The following CEP44 variants were observed in gnomAD, a reference collection of about 807,000 sequenced individuals.
CEP44 encodes centrosomal protein of 44 kDa.
Under a neutral mutation model 46.7 loss-of-function variants are expected in CEP44, and 45 were observed. The observed-to-expected ratio is 0.96, with a 90% CI of 0.76 to 1.24. The LOEUF is 1.24. CEP44 is among the 50% of genes most tolerant of loss of function. CEP44 has a pLI of 0.00. For missense variants in CEP44, 475 were observed against 459.7 expected, an observed-to-expected ratio of 1.03 and a Z score of -0.30; for synonymous variants, 142 against 146.0, an observed-to-expected ratio of 0.97 and a Z score of 0.20.
chr4:174,319,092 G>T lies in CEP44; in HGVS notation c.*1709G>T. On this transcript the variant is annotated 3_prime_UTR_variant, in exon 12 of 12. Coordinates refer to ENST00000503780, the MANE Select transcript of CEP44 (RefSeq NM_001040157.3). Reference sequence around the variant, plus strand: ...CCAAAGTGCTAGATTCCATGGGTGAGTCACCATGCTTGGCCACATTTTTAG... The same window carrying T: ...CCAAAGTGCTAGATTCCATGGGTGATTCACCATGCTTGGCCACATTTTTAG... 1 of 976,262 alleles carries T rather than the reference G, an allele frequency of 1.0e-6. No individual in the cohort carries two copies. The highest frequency in any genetic ancestry group is 4.7e-5 in the South Asian group (1 of 21,082). 60.5% of individuals were successfully genotyped at this position (976,262 alleles called of 1,614,324 possible).
rs1737741873 is a variant in CEP44 at position 174,287,876 on chromosome 4, A to C, written c.-148+3933A>C. 6.6e-6 allele frequency among the ~76,000 whole-genome samples: 1 copy of C among 152,260 alleles called. No homozygotes were observed. Among genetic ancestry groups the C allele is most frequent in the South Asian group, 2.1e-4 (1 of 4,832 alleles). On this transcript the variant is annotated intron_variant, in intron 1 of 11. Transcript: ENST00000503780. The surrounding 1 kb of genome is among the most constrained non-coding windows in gnomAD (Gnocchi z 5.1). ...CTAGTAATACCAGGTATAGACAAGA[A>C]TGTAGTATTTAAAGCTAATATCTGA...
chr4:174,308,895 T>G (rs1293748483), intron 7 of CEP44, 36 bp downstream of exon 7: 4 of 1,567,682 alleles, frequency 2.6e-6, no homozygotes, highest in Admixed American at 3.5e-5. Context: ...GATGCCAGTA[T>G]TTTTTACTTA....
At chr4:174,316,674 C>A in intron 11 of CEP44, 107 bp downstream of exon 11, 2 of 1,024,092 alleles carry the variant, frequency 2.0e-6, no homozygotes, top group Non-Finnish European at 1.4e-6. Flanking sequence ...AAAGGTCTCT[C>A]AATCAGGTGT....
At position 174,318,063 on chromosome 4, in the gene CEP44, A is replaced by G. The variant is rs549086980; in HGVS notation, c.*680A>G. 550 of 985,290 alleles carry G rather than the reference A, an allele frequency of 5.6e-4. No homozygotes were observed. The highest frequency in any genetic ancestry group is 6.2e-4 in the Non-Finnish European group (518 of 829,952). 61.0% of individuals were successfully genotyped at this position (985,290 alleles called of 1,614,324 possible). A position where few individuals can be genotyped will look rare whatever the true frequency, so the allele number is the denominator to read the frequency against. On this transcript the variant is annotated 3_prime_UTR_variant, in exon 12 of 12. Transcript: ENST00000503780. ...TGAACATTTTAGTATGCTCTATTGT[A>G]TAATTTTTTTGGAGGGGGGGATGGA...
At position 174,309,520 on chromosome 4, in the gene CEP44, C is replaced by T. The variant is rs1363977257; in HGVS notation, c.679-330C>T. Reference sequence around the variant, plus strand: ...CATTTCCTCTTAGCTTTGTGCTAAGCGTTGTTTCAAGAAGCTAGTTAATAA... The same window carrying T: ...CATTTCCTCTTAGCTTTGTGCTAAGTGTTGTTTCAAGAAGCTAGTTAATAA... On this transcript the variant is annotated intron_variant, in intron 7 of 11. Coordinates refer to ENST00000503780, the MANE Select transcript of CEP44 (RefSeq NM_001040157.3). The surrounding 1 kb of genome is among the most constrained non-coding windows in gnomAD (Gnocchi z 5.3). Among the ~76,000 whole-genome samples the T allele has an allele frequency of 2.0e-5, 3 of 151,950 alleles. No individual in the cohort carries two copies. The highest frequency in any genetic ancestry group is 2.0e-4 in the Admixed American group (3 of 15,228).
At chr4:174,316,067 T>A (rs1454346086) in intron 9 of CEP44, 99 bp from the exon 10 acceptor site, 33 of 1,421,216 alleles carry the variant, frequency 2.3e-5, no homozygotes, top group Non-Finnish European at 3.2e-5. Flanking sequence ...CCATTTTTAA[T>A]TAAAATAGTA....
In CEP44 at chr4:174,320,217, G is replaced by T. The variant is rs1742188991; in HGVS notation, c.*2834G>T. On this transcript the variant is annotated 3_prime_UTR_variant, in exon 12 of 12. Coordinates refer to ENST00000503780, the MANE Select transcript of CEP44 (RefSeq NM_001040157.3). The stretch of plus-strand genomic sequence containing the variant: ...CAACTGTATGAAAATTCTAGGTAAA[G>T]CTAAGTACTATTGAGTTGGAAAAAA... 1.0e-6 allele frequency: 1 copy of T among 984,974 alleles called. No individual in the cohort carries two copies. Among genetic ancestry groups the T allele is most frequent in the Non-Finnish European group, 1.2e-6 (1 of 829,788 alleles). The allele number at this position is 984,974 out of a possible 1,614,324, so 61.0% of individuals were successfully genotyped here.
At chr4:174,285,762 C>CA (rs1560882297) in intron 1 of CEP44, among the ~76,000 whole-genome samples, 1 of 152,092 alleles carries the variant, frequency 6.6e-6, no homozygotes, top group East Asian at 1.9e-4. Context: ...AAGCTCAGAC[C>CA]TACTATATTG....
intron 1 of CEP44, among the ~76,000 whole-genome samples, chr4:174,291,812 T>TTTC (rs1553979231): frequency 1.5e-5 from 2 of 134,620 alleles, no homozygotes; most frequent in African/African-American, 5.8e-5. Flanking sequence ...TTTTTTTTTT[T>TTTC]CCAGGTCTGG....
intron 9 of CEP44, among the ~76,000 whole-genome samples, chr4:174,313,204 T>G (rs1741285002): frequency 6.6e-6 from 1 of 152,148 alleles, no homozygotes; most frequent in South Asian, 2.1e-4. Flanking sequence ...TTGGGTGTGT[T>G]GTTTCATTAT....
At position 174,309,519 on chromosome 4, in the gene CEP44, G is replaced by A. The variant is rs139303067; in HGVS notation, c.679-331G>A. Among the ~76,000 whole-genome samples, 653 of 152,048 alleles carry A rather than the reference G, an allele frequency of 4.3e-3. 2 individuals are homozygous for A. The highest frequency in any genetic ancestry group is 0.011 in the South Asian group (55 of 4,824). On this transcript the variant is annotated intron_variant, in intron 7 of 11. Coordinates refer to ENST00000503780, the MANE Select transcript of CEP44 (RefSeq NM_001040157.3). The surrounding 1 kb of genome is among the most constrained non-coding windows in gnomAD (Gnocchi z 5.3). The stretch of plus-strand genomic sequence containing the variant: ...TCATTTCCTCTTAGCTTTGTGCTAA[G>A]CGTTGTTTCAAGAAGCTAGTTAATA...
rs1679098114 is a variant in CEP44 at position 174,310,306 on chromosome 4, G to A, written c.885+250G>A. ...TTTACAGATGTTAATAATGCTTGAA[G>A]AATTTAAAATGAGGTAAGAATATGA... On this transcript the variant is annotated intron_variant, in intron 8 of 11. Coordinates refer to ENST00000503780, the MANE Select transcript of CEP44 (RefSeq NM_001040157.3). This position sits in a 1 kb window ranked among gnomAD's most constrained non-coding sequence, Gnocchi z 4.2. Among the ~76,000 whole-genome samples, 1 of 151,840 alleles carries A rather than the reference G, an allele frequency of 6.6e-6. No individual in the cohort carries two copies. Among genetic ancestry groups the A allele is most frequent in the Non-Finnish European group, 1.5e-5 (1 of 67,846 alleles).
At position 174,302,052 on chromosome 4, in the gene CEP44, G is replaced by C. The variant is rs1460523377; in HGVS notation, c.103G>C (p.Asp35His). 15 of 1,602,916 alleles carry C rather than the reference G, an allele frequency of 9.4e-6. No individual in the cohort carries two copies. Among genetic ancestry groups the C allele is most frequent in the Non-Finnish European group, 3.4e-6 (4 of 1,177,454 alleles). ...EVDCVGLIKG[D>H]PAASLPIISY... ...TTTTCCTAACAGTTTGATAAAGGGA[G>C]ACCCAGCAGCATCTTTGCCCATCAT... The change falls in exon 4 of 12, where the codon GAC becomes CAC. Residue 35 changes from aspartate (D) to histidine (H), a missense_variant. Coordinates refer to ENST00000503780, the MANE Select transcript of CEP44 (RefSeq NM_001040157.3).
At chr4:174,316,379 A>G (rs968092246) in intron 10 of CEP44, 89 bp downstream of exon 10, 3 of 1,427,730 alleles carry the variant, frequency 2.1e-6, no homozygotes, top group Non-Finnish European at 2.9e-6. Flanking sequence ...CAAGAAAAAT[A>G]GCAAACGCGA....
intron 1 of CEP44, among the ~76,000 whole-genome samples, chr4:174,285,968 A>T (rs1033051060): frequency 1.3e-5 from 2 of 152,236 alleles, no homozygotes; most frequent in African/African-American, 2.4e-5. Flanking sequence ...ATGTGATTTC[A>T]GGATGACTTT....
chr4:174,300,348 C>T (rs909329896), intron 3 of CEP44, among the ~76,000 whole-genome samples: 5 of 152,052 alleles, frequency 3.3e-5, no homozygotes, highest in African/African-American at 1.2e-4. Flanking sequence ...CAGATGTAAT[C>T]CATGTATGTA....
rs1261380855 is a variant in CEP44, at chr4:174,286,854, TTCAGAG to T, written c.-148+2915_-148+2920del. Among the ~76,000 whole-genome samples the T allele has an allele frequency of 6.6e-6, 1 of 152,252 alleles. No individual in the cohort carries two copies. The highest frequency in any genetic ancestry group is 2.4e-5 in the African/African-American group (1 of 41,472). Reference sequence around the variant, plus strand: ...ATGTGTTTTTCTGTTGTGTACATTCTTCAGAGTCATATTCCTGTTTCATAGGCCCCA... The same window carrying T: ...ATGTGTTTTTCTGTTGTGTACATTCTTCATATTCCTGTTTCATAGGCCCCA... On this transcript the variant is annotated intron_variant, in intron 1 of 11. Transcript: ENST00000503780. The surrounding 1 kb of genome is among the most constrained non-coding windows in gnomAD (Gnocchi z 5.2).
chr4:174,319,478 G>T lies in CEP44; in HGVS notation c.*2095G>T. On this transcript the variant is annotated 3_prime_UTR_variant, in exon 12 of 12. Coordinates refer to ENST00000503780, the MANE Select transcript of CEP44 (RefSeq NM_001040157.3). Reference sequence around the variant, plus strand: ...TTCAATTTTAAAAAGAAACATTTTTGAAGTTTTCTTATGGAAGATAGAAAA... The same window carrying T: ...TTCAATTTTAAAAAGAAACATTTTTTAAGTTTTCTTATGGAAGATAGAAAA... The T allele has an allele frequency of 2.1e-6, 2 of 958,608 alleles. No individual in the cohort carries two copies. The highest frequency in any genetic ancestry group is 1.2e-6 in the Non-Finnish European group (1 of 805,718). The allele number at this position is 958,608 out of a possible 1,614,324, so 59.4% of individuals were successfully genotyped here.
chr4:174,295,410 CCTTA>C (rs1289708899), intron 1 of CEP44, among the ~76,000 whole-genome samples: 2 of 151,348 alleles, frequency 1.3e-5, no homozygotes, highest in East Asian at 2.0e-4. Flanking sequence ...CAGAGACGCT[CCTTA>C]CTTCCTAGAT....
Sources: gnomAD v4.1 joint callset for allele counts (sites outside exome capture counted in the v4.1 genomes callset) on GRCh38, gnomAD v4.1.1 for gene constraint, Gnocchi (gnomAD v3.1) non-coding constraint, MANE v1.5 for transcripts, NCBI Gene and HGNC (gene_info 2026-07-23, HGNC 2026-07-21) for gene names.